GALK2: variants seen among roughly 807,000 people sequenced by gnomAD.
The protein encoded by GALK2 is N-acetylgalactosamine kinase.
Under a neutral mutation model 52.4 loss-of-function variants are expected in GALK2, and 36 were observed. The observed-to-expected ratio is 0.69, with a 90% CI of 0.53 to 0.91. The LOEUF is 0.91. Among genes scored for constraint, GALK2 ranks in the 40% least tolerant of loss-of-function variants. The pLI is 0.00. For synonymous variants in GALK2, 176 were observed against 199.1 expected (o/e 0.88, Z 0.98); for missense variants, 579 against 559.1 (o/e 1.04, Z -0.36).
intron 3 of GALK2, among the ~76,000 whole-genome samples, chr15:49,220,058 CT>C (rs34707025): frequency 0.018 from 1,680 of 92,710 alleles, 17 homozygotes; most frequent in African/African-American, 0.051. Context: ...AGATACAAGT[CT>C]TTTTTTTTTT....
intron 3 of GALK2, among the ~76,000 whole-genome samples, chr15:49,347,494 C>A (rs920837305): frequency 6.6e-6 from 1 of 152,180 alleles, no homozygotes; most frequent in South Asian, 2.1e-4. Context: ...TTGCTTAGCA[C>A]CCTCATACTA....
intron 1 of GALK2, among the ~76,000 whole-genome samples, chr15:49,164,169 T>C (rs2084741796): frequency 6.6e-6 from 1 of 152,180 alleles, no homozygotes; most frequent in Non-Finnish European, 1.5e-5. Context: ...ATCTTTCATC[T>C]CTATAGTTGA....
At chr15:49,188,150 C>G (rs1236853272) in intron 1 of GALK2, among the ~76,000 whole-genome samples, 2 of 152,206 alleles carry the variant, frequency 1.3e-5, no homozygotes, top group Non-Finnish European at 2.9e-5. Context: ...AGTTCTTTCT[C>G]TTCAAGGCAG....
At chr15:49,177,927 G>A (rs905844002) in intron 1 of GALK2, 2 of 162,814 alleles carry the variant, frequency 1.2e-5, no homozygotes, top group African/African-American at 4.8e-5. Flanking sequence ...AGGCCAAGTT[G>A]GGTGGATCAC....
chr15:49,170,644 C>G, intron 1 of GALK2: 1 of 441,476 alleles, frequency 2.3e-6, no homozygotes, highest in South Asian at 3.8e-5. Flanking sequence ...TTAGTGTACT[C>G]TTTCTACTGG....
At chr15:49,351,486 CT>C (rs1314024827) in intron 3 of GALK2, among the ~76,000 whole-genome samples, 1 of 150,550 alleles carries the variant, frequency 6.6e-6, no homozygotes, top group African/African-American at 2.4e-5. Context: ...TAAAAATCTG[CT>C]TCCATCTAAT....
chr15:49,307,172 G>T (rs529621053), intron 8 of GALK2, among the ~76,000 whole-genome samples: 24 of 152,276 alleles, frequency 1.6e-4, no homozygotes, highest in African/African-American at 5.3e-4. Context: ...GACTGGGTAG[G>T]ATGCTGATGC....
intron 1 of GALK2, among the ~76,000 whole-genome samples, chr15:49,160,104 T>G (rs2084598634): frequency 6.6e-6 from 1 of 151,926 alleles, no homozygotes; most frequent in African/African-American, 2.4e-5. Context: ...AGAAATCCTG[T>G]CTCTACTAAA....
intron 1 of GALK2, among the ~76,000 whole-genome samples, chr15:49,192,485 G>GTATATATATGTATATATATGTA (rs1555400548): frequency 2.9e-5 from 3 of 102,974 alleles, no homozygotes; most frequent in Non-Finnish European, 5.6e-5. Context: ...ATATATATAT[G>GTATATATATGTATATATATGTA]TATATATATA....
downstream of GALK2, among the ~76,000 whole-genome samples, chr15:49,332,068 C>T (rs1037696869): frequency 2.7e-5 from 4 of 148,688 alleles, no homozygotes; most frequent in African/African-American, 1.0e-4. Flanking sequence ...CACCCACCCC[C>T]GCTGCATGTG....
chr15:49,215,383 A>G (rs938893678), intron 2 of GALK2, among the ~76,000 whole-genome samples: 3 of 152,140 alleles, frequency 2.0e-5, no homozygotes, highest in Admixed American at 1.3e-4. Context: ...CTTTTAGGCT[A>G]TTTTCTAGAT....
intron 5 of GALK2, among the ~76,000 whole-genome samples, chr15:49,251,586 A>G (rs998353045): frequency 2.0e-5 from 3 of 152,122 alleles, no homozygotes; most frequent in African/African-American, 7.2e-5. Flanking sequence ...TATAGGTGCA[A>G]TGTTGTAGAG....
intron 1 of GALK2, among the ~76,000 whole-genome samples, chr15:49,178,035 G>A (rs2141204121): frequency 6.6e-6 from 1 of 150,692 alleles, no homozygotes; most frequent in Non-Finnish European, 1.5e-5. Flanking sequence ...TGGGTGTGGT[G>A]GCGCACACCT....
downstream of GALK2, among the ~76,000 whole-genome samples, chr15:49,332,095 A>C (rs144320581): frequency 0.15 from 20,929 of 139,878 alleles, 2,038 homozygotes; most frequent in Non-Finnish European, 0.2. Context: ...TGCCACACAC[A>C]CACACACACA....
chr15:49,250,673 A>T lies in GALK2; in HGVS notation c.504+11306A>T, dbSNP rs576654842. On this transcript the variant is annotated intron_variant, in intron 5 of 9. Transcript: ENST00000560031. The stretch of plus-strand genomic sequence containing the variant: ...TAATTATACCATATTGTCTGATATA[A>T]TCAGTATCATAGACATCGGAAAACC... Among the ~76,000 whole-genome samples the T allele has an allele frequency of 4.6e-5, 7 of 152,302 alleles. No homozygotes were observed. In the South Asian group the frequency reaches 1.4e-3, roughly 32 times the overall value.
chr15:49,366,714 C>G, intron 3 of GALK2: 3 of 1,247,876 alleles, frequency 2.4e-6, no homozygotes, highest in Non-Finnish European at 3.5e-6. Flanking sequence ...TGGGGTGGCG[C>G]GGCGCGGCTC....
chr15:49,346,190 A>G (rs890476327), intron 3 of GALK2, among the ~76,000 whole-genome samples: 5 of 152,068 alleles, frequency 3.3e-5, no homozygotes, highest in Non-Finnish European at 5.9e-5. Flanking sequence ...AACTTGGGCC[A>G]GCTCCTGTCC....
rs551484974 is a variant in GALK2 at position 49,355,044 on chromosome 15, G to A, written c.427-12447G>A. On this transcript the variant is annotated intron_variant, in intron 3 of 3. Transcript: ENST00000558399. ...AGCTGAGGGTCCTCTCTGTTAGAAGGAAAACTAACAAACAGAAAGGACATC... is the reference window on the plus strand; with the variant it reads ...AGCTGAGGGTCCTCTCTGTTAGAAGAAAAACTAACAAACAGAAAGGACATC... 1.9e-3 allele frequency among the ~76,000 whole-genome samples: 286 copies of A among 151,076 alleles called. 4 individuals are homozygous for A. Among genetic ancestry groups the A allele is most frequent in the African/African-American group, 6.4e-3 (262 of 40,830 alleles).
At position 49,186,625 on chromosome 15, in the gene GALK2, C is replaced by T. The variant is rs544265653; in HGVS notation, c.54-14537C>T. Among the ~76,000 whole-genome samples, 584 of 151,176 alleles carry T rather than the reference C, an allele frequency of 3.9e-3. 1 individual carries two copies. The highest frequency in any genetic ancestry group is 0.011 in the South Asian group (51 of 4,762). ...TGCAATCTCAGCTCACTGCAACCTCCGCCTCCCGGGTTCAAATGATTCTCC... is the reference window on the plus strand; with the variant it reads ...TGCAATCTCAGCTCACTGCAACCTCTGCCTCCCGGGTTCAAATGATTCTCC... On this transcript the variant is annotated intron_variant, in intron 1 of 9. Coordinates refer to ENST00000560031, the MANE Select transcript of GALK2 (RefSeq NM_002044.4).
Sources: allele counts gnomAD v4.1 joint callset (sites outside exome capture counted in the v4.1 genomes callset), GRCh38; gene constraint gnomAD v4.1.1; transcripts MANE v1.5; gene names NCBI Gene and HGNC (gene_info 2026-07-23, HGNC 2026-07-21).